SEZ6L: variants seen among roughly 807,000 people sequenced by gnomAD.
SEZ6L encodes the protein seizure related 6 homolog like, also known as seizure 6-like protein.
In SEZ6L, 37 loss-of-function variants were observed where a neutral mutation model predicts 106.2. The observed-to-expected ratio is 0.35, with a 90% CI of 0.27 to 0.46. SEZ6L has a LOEUF of 0.46. Among genes scored for constraint, SEZ6L ranks in the 20% least tolerant of loss-of-function variants. SEZ6L has a pLI of 1.00. For synonymous variants in SEZ6L, 541 were observed against 570.4 expected, an observed-to-expected ratio of 0.95 and a Z score of 0.73; for missense variants, 1,172 against 1,332.8, an observed-to-expected ratio of 0.88 and a Z score of 1.88.
At position 26,377,771 on chromosome 22, in the gene SEZ6L, CA is replaced by C; in HGVS notation, c.3042del (p.Glu1016LysfsTer15). 1 of 1,606,732 alleles carries C rather than the reference CA, an allele frequency of 6.2e-7. No homozygotes were observed. The highest frequency in any genetic ancestry group is 8.5e-7 in the Non-Finnish European group (1 of 1,173,260). ...GAGTTTGACAACCCCATTTACGAGA[CA>C]GGGGTGAGTTGGTCTCTCTCGTCTC... ...ETEFDNPIYETGETREYEVSI is the reference protein window; with the variant it reads ...ETEFDNPIYEXGETREYEVSI On this transcript the variant is annotated frameshift_variant, in exon 16 of 17. Transcript: ENST00000248933. LOFTEE classifies it high-confidence loss of function.
intron 1 of SEZ6L, among the ~76,000 whole-genome samples, chr22:26,291,367 A>G (rs1331278247): frequency 2.0e-5 from 3 of 152,086 alleles, no homozygotes; most frequent in African/African-American, 7.2e-5. Context: ...ACATGTTCTC[A>G]CTTATAAGTG....
intron 11 of SEZ6L, among the ~76,000 whole-genome samples, chr22:26,348,637 A>AAAG (rs1491583182): frequency 7.1e-5 from 2 of 28,148 alleles, no homozygotes; most frequent in African/African-American, 4.2e-4. Context: ...AGAAAGAAAG[A>AAAG]AAGAAAGAAA....
At chr22:26,372,974 C>T (rs2084090465) in intron 13 of SEZ6L, among the ~76,000 whole-genome samples, 1 of 152,130 alleles carries the variant, frequency 6.6e-6, no homozygotes, top group Non-Finnish European at 1.5e-5. Flanking sequence ...AAGACCCTAA[C>T]CACATAATTG....
At chr22:26,184,881 C>T (rs1218932004) in intron 1 of SEZ6L, among the ~76,000 whole-genome samples, 1 of 152,108 alleles carries the variant, frequency 6.6e-6, no homozygotes, top group African/African-American at 2.4e-5. Flanking sequence ...GTCAGGAGTT[C>T]GAGACCAGCC....
chr22:26,359,902 T>C (rs2146042835), intron 12 of SEZ6L, among the ~76,000 whole-genome samples: 1 of 152,372 alleles, frequency 6.6e-6, no homozygotes, highest in Middle Eastern at 3.4e-3. Flanking sequence ...ACACTCAGAA[T>C]GGAATCTGGC....
intron 1 of SEZ6L, among the ~76,000 whole-genome samples, chr22:26,249,526 G>A (rs898323468): frequency 2.6e-5 from 4 of 151,596 alleles, no homozygotes; most frequent in African/African-American, 9.7e-5. Flanking sequence ...TAGTATTCGT[G>A]TGTGTGTGTG....
At chr22:26,252,838 T>C (rs1292753443) in intron 1 of SEZ6L, among the ~76,000 whole-genome samples, 1 of 152,244 alleles carries the variant, frequency 6.6e-6, no homozygotes, top group East Asian at 1.9e-4. Context: ...GGCACCTAGG[T>C]GGATTCCATG....
At chr22:26,203,868 A>G (rs1225510283) in intron 1 of SEZ6L, among the ~76,000 whole-genome samples, 1 of 152,210 alleles carries the variant, frequency 6.6e-6, no homozygotes, top group Non-Finnish European at 1.5e-5. Context: ...TAAGAGCTGA[A>G]GAAGAGTAGG....
At chr22:26,276,424 G>A (rs2080546405) in intron 1 of SEZ6L, among the ~76,000 whole-genome samples, 1 of 152,204 alleles carries the variant, frequency 6.6e-6, no homozygotes, top group East Asian at 1.9e-4. Context: ...ACCTGGGAAG[G>A]TCAAGCTACT....
At chr22:26,349,207 G>A (rs1005602837) in intron 11 of SEZ6L, among the ~76,000 whole-genome samples, 1 of 152,106 alleles carries the variant, frequency 6.6e-6, no homozygotes, top group Admixed American at 6.6e-5. Flanking sequence ...AATCACCTCT[G>A]TTGTTCTCTC....
chr22:26,291,690 A>G (rs1488829429), intron 1 of SEZ6L, among the ~76,000 whole-genome samples: 1 of 152,170 alleles, frequency 6.6e-6, no homozygotes, highest in Non-Finnish European at 1.5e-5. Flanking sequence ...CCTGGTGTCC[A>G]TCCCCACTCA....
chr22:26,358,074 G>A (rs771463134), intron 12 of SEZ6L, among the ~76,000 whole-genome samples: 4 of 152,178 alleles, frequency 2.6e-5, no homozygotes, highest in Non-Finnish European at 4.4e-5. Context: ...TGTGGCCACC[G>A]TAGGAGCTTC....
chr22:26,255,773 A>C (rs73879861), intron 1 of SEZ6L, among the ~76,000 whole-genome samples: 18,814 of 152,264 alleles, frequency 0.12, 1,294 homozygotes, highest in Middle Eastern at 0.21. Flanking sequence ...CGCAGTGTTG[A>C]GCACCTGCTC....
intron 1 of SEZ6L, among the ~76,000 whole-genome samples, chr22:26,225,294 G>T (rs561437751): frequency 6.6e-6 from 1 of 152,314 alleles, no homozygotes; most frequent in South Asian, 2.1e-4. Flanking sequence ...AGAGAGATTG[G>T]CTTGCCTCCC....
chr22:26,348,565 G>GGGAGGAAA (rs1556371173), intron 11 of SEZ6L, among the ~76,000 whole-genome samples: 2 of 34,722 alleles, frequency 5.8e-5, no homozygotes, highest in African/African-American at 2.5e-4. Context: ...AAGGAAGGGA[G>GGGAGGAAA]GAAAGAAAGA....
chr22:26,272,444 T>TGG, intron 1 of SEZ6L, among the ~76,000 whole-genome samples: 1 of 152,178 alleles, frequency 6.6e-6, no homozygotes, highest in African/African-American at 2.4e-5. Context: ...AAAAACCGAA[T>TGG]TTTTACCCAC....
intron 1 of SEZ6L, among the ~76,000 whole-genome samples, chr22:26,170,106 C>G (rs1298219754): frequency 6.6e-6 from 1 of 152,106 alleles, no homozygotes; most frequent in Non-Finnish European, 1.5e-5. Flanking sequence ...TCTCTGCAAC[C>G]GCACCCGGGG....
rs143013326 is a variant in SEZ6L at position 26,282,368 on chromosome 22, G to C, written c.95-10038G>C. Among the ~76,000 whole-genome samples the C allele has an allele frequency of 7.8e-3, 1,184 of 152,260 alleles. 5 individuals carry two copies. Among genetic ancestry groups the C allele is most frequent in the Non-Finnish European group, 0.012 (817 of 68,016 alleles). ...CTAGTACGTGTCAATGACCACAAAG[G>C]TCTCTCAGCTTTGGGACATGACCAG... On this transcript the variant is annotated intron_variant, in intron 1 of 16. Transcript: ENST00000248933.
At chr22:26,171,508 GA>G (rs199605745) in intron 1 of SEZ6L, among the ~76,000 whole-genome samples, 11 of 151,028 alleles carry the variant, frequency 7.3e-5, no homozygotes, top group Non-Finnish European at 1.3e-4. Context: ...ACCTTGCAGG[GA>G]AAAAAAAATT....
Sources: allele counts gnomAD v4.1 joint callset (sites outside exome capture counted in the v4.1 genomes callset), GRCh38; gene constraint gnomAD v4.1.1; transcripts MANE v1.5; gene names NCBI Gene and HGNC (gene_info 2026-07-23, HGNC 2026-07-21).